PLA2G4E: variants seen among roughly 807,000 people sequenced by gnomAD.
PLA2G4E encodes the protein cytosolic phospholipase A2 epsilon.
PLA2G4E carries 84 observed loss-of-function variants against 109.1 expected under a neutral mutation model. The observed-to-expected ratio is 0.77, with a 90% confidence interval of 0.65 to 0.92. The LOEUF (loss-of-function observed/expected upper bound fraction) is 0.92. Among genes scored for constraint, PLA2G4E ranks in the 40% least tolerant of loss-of-function variants. The pLI is 0.00. For synonymous variants in PLA2G4E, 469 were observed against 436.1 expected (o/e 1.08, Z -0.94); for missense variants, 1,057 against 1,076.6 (o/e 0.98, Z 0.25).
chr15:42,000,205 G>A, exon 8 of PLA2G4E: 1 of 1,591,872 alleles, frequency 6.3e-7, no homozygotes, highest in Non-Finnish European at 8.6e-7. Context: ...GCAGAGGTTG[G>A]GCAGCAGGGT....
At chr15:41,995,239 T>C in intron 12 of PLA2G4E, 121 bp downstream of exon 12, 1 of 1,333,028 alleles carries the variant, frequency 7.5e-7, no homozygotes, top group Non-Finnish European at 1.0e-6. Context: ...TGTGGGGCAC[T>C]TCCCAGGCTT....
At chr15:42,021,209 T>G (rs1418984171) in intron 1 of PLA2G4E, among the ~76,000 whole-genome samples, 167 bp from the exon 1 acceptor site, 2 of 151,458 alleles carry the variant, frequency 1.3e-5, no homozygotes, top group Non-Finnish European at 2.9e-5. Flanking sequence ...GGTCTTCAGG[T>G]CATAGAAATA....
chr15:42,043,409 C>A (rs1889352123), intron 1 of PLA2G4E, among the ~76,000 whole-genome samples: 1 of 151,212 alleles, frequency 6.6e-6, no homozygotes, highest in African/African-American at 2.4e-5. Context: ...TGTGGGTGGC[C>A]ATCCACTCGG....
chr15:42,047,663 C>T (rs182686894), intron 1 of PLA2G4E, among the ~76,000 whole-genome samples: 162 of 152,332 alleles, frequency 1.1e-3, no homozygotes, highest in African/African-American at 3.7e-3. Context: ...ACCCAGTGTG[C>T]ACACATTCCC....
intron 6 of PLA2G4E, among the ~76,000 whole-genome samples, chr15:42,001,450 C>T (rs1246097726): frequency 1.3e-5 from 2 of 152,120 alleles, no homozygotes; most frequent in Non-Finnish European, 2.9e-5. Flanking sequence ...GGTCTAGGAC[C>T]CACGGTCACA....
intron 1 of PLA2G4E, 124 bp from the exon 2 acceptor site, chr15:42,013,881 GGTT>G (rs1172253405): frequency 6.0e-5 from 18 of 302,212 alleles, no homozygotes; most frequent in Admixed American, 3.7e-4. Flanking sequence ...CCCCTAGGCT[GGTT>G]TTTTTTTTTT....
chr15:42,037,740 C>T (rs1889243787), intron 1 of PLA2G4E, among the ~76,000 whole-genome samples: 1 of 152,232 alleles, frequency 6.6e-6, no homozygotes, highest in African/African-American at 2.4e-5. Flanking sequence ...GTGACTCCCT[C>T]TTCGGGGCCC....
chr15:42,031,741 G>C (rs1889117913), intron 1 of PLA2G4E, among the ~76,000 whole-genome samples: 1 of 152,194 alleles, frequency 6.6e-6, no homozygotes, highest in Admixed American at 6.5e-5. Flanking sequence ...GAGACTCCCA[G>C]ACTTCACAGG....
At chr15:41,983,919 G>C (rs781112468) in exon 20 of PLA2G4E, 2 of 1,613,068 alleles carry the variant, frequency 1.2e-6, no homozygotes, top group Non-Finnish European at 1.7e-6. Flanking sequence ...AGGGAGTTTT[G>C]GGACCATAAA....
intron 1 of PLA2G4E, among the ~76,000 whole-genome samples, chr15:42,033,441 C>T (rs1889150368): frequency 6.6e-6 from 1 of 152,104 alleles, no homozygotes; most frequent in South Asian, 2.1e-4. Context: ...CTGAGCTGGC[C>T]CTTATGACAC....
At chr15:41,982,116 T>G (rs2068075521) in exon 20 of PLA2G4E, 1 of 152,172 alleles carries the variant, frequency 6.6e-6, no homozygotes, top group Non-Finnish European at 1.5e-5. Context: ...TTTTCTAAAC[T>G]TTTGGTACCT....
chr15:42,016,241 CTT>C (rs1168452228), intron 1 of PLA2G4E, among the ~76,000 whole-genome samples: 3 of 104,686 alleles, frequency 2.9e-5, no homozygotes, highest in African/African-American at 7.3e-5. Flanking sequence ...TTTATCTTTA[CTT>C]TTTTTTTTTT....
intron 1 of PLA2G4E, among the ~76,000 whole-genome samples, chr15:42,018,276 G>A (rs892876016): frequency 5.9e-5 from 9 of 152,246 alleles, no homozygotes; most frequent in African/African-American, 1.9e-4. Context: ...TCTGATGTGC[G>A]TGTGGGAACC....
exon 13 of PLA2G4E, chr15:41,992,954 A>G: frequency 6.2e-7 from 1 of 1,610,478 alleles, no homozygotes; most frequent in Admixed American, 1.7e-5. Context: ...CAAGGTAGCC[A>G]TGGTCCTGGA....
exon 12 of PLA2G4E, chr15:41,995,406 G>A: frequency 6.2e-7 from 1 of 1,613,708 alleles, no homozygotes; most frequent in East Asian, 2.2e-5. Flanking sequence ...CAGTCCAGGA[G>A]GTTCAGCTTC....
At chr15:42,015,870 G>A (rs541356310) in intron 1 of PLA2G4E, among the ~76,000 whole-genome samples, 99 of 152,316 alleles carry the variant, frequency 6.5e-4, no homozygotes, top group African/African-American at 2.3e-3. Flanking sequence ...GCCTCGCACG[G>A]GTTCTCTTCA....
chr15:42,046,436 C>A (rs1889417570), intron 1 of PLA2G4E, among the ~76,000 whole-genome samples: 1 of 152,204 alleles, frequency 6.6e-6, no homozygotes, highest in Non-Finnish European at 1.5e-5. Context: ...AAAGGTCAAC[C>A]TTGTGTCCAC....
chr15:42,018,627 C>G (rs2068618698), intron 1 of PLA2G4E, among the ~76,000 whole-genome samples: 1 of 152,170 alleles, frequency 6.6e-6, no homozygotes, highest in South Asian at 2.1e-4. Context: ...ATCAGTACAG[C>G]TGGGCCAGGG....
At chr15:42,049,228 A>C (rs1257217130) in intron 1 of PLA2G4E, among the ~76,000 whole-genome samples, 1 of 152,144 alleles carries the variant, frequency 6.6e-6, no homozygotes. Context: ...ACCCCTCTTC[A>C]CATGTGACTC....
Sources: gnomAD v4.1 joint callset for allele counts (sites outside exome capture counted in the v4.1 genomes callset) on GRCh38, gnomAD v4.1.1 for gene constraint, MANE v1.5 for transcripts, NCBI Gene and HGNC (gene_info 2026-07-23, HGNC 2026-07-21) for gene names.